The following SCAMP5 variants were observed in gnomAD, a reference collection of about 807,000 sequenced individuals.
The protein encoded by SCAMP5 is secretory carrier membrane protein 5.
A neutral mutation model predicts 28.3 loss-of-function variants in SCAMP5; 7 were observed. The ratio of observed to expected loss-of-function variants is 0.25; its 90% CI spans 0.14 to 0.46. The LOEUF (loss-of-function observed/expected upper bound fraction) is 0.46, where lower values mean the gene tolerates loss of function less well. Ranked by LOEUF, SCAMP5 falls within the 20% of genes least tolerant of loss-of-function variation. The pLI, the probability that SCAMP5 is intolerant of heterozygous loss-of-function variation, is 0.99. For missense variants in SCAMP5, 192 were observed against 312.5 expected (o/e 0.61, Z 2.91); for synonymous variants, 117 against 116.4 (o/e 1.00, Z -0.03).
intron 1 of SCAMP5, among the ~76,000 whole-genome samples, chr15:75,010,825 T>C (rs1328427356): frequency 6.6e-6 from 1 of 151,808 alleles, no homozygotes; most frequent in East Asian, 1.9e-4. Flanking sequence ...GAACTGTCCC[T>C]GTACGATGCT....
intron 1 of SCAMP5, among the ~76,000 whole-genome samples, chr15:75,005,198 C>G (rs984988911): frequency 6.6e-6 from 1 of 151,872 alleles, no homozygotes. Context: ...ATCCAAGATC[C>G]GGGCCTGTAA....
chr15:74,997,935 C>T (rs1234822496), intron 1 of SCAMP5, among the ~76,000 whole-genome samples: 1 of 152,130 alleles, frequency 6.6e-6, no homozygotes, highest in Admixed American at 6.5e-5. Flanking sequence ...GGGGAAACTT[C>T]CATCTTAGCA....
intron 1 of SCAMP5, chr15:75,007,770 T>C (rs2065774085): frequency 6.6e-6 from 1 of 152,232 alleles, no homozygotes; most frequent in African/African-American, 2.4e-5. Flanking sequence ...TTTCACCATA[T>C]TGGCCAGGAT....
At chr15:75,005,364 G>A (rs1017070899) in intron 1 of SCAMP5, among the ~76,000 whole-genome samples, 2 of 151,904 alleles carry the variant, frequency 1.3e-5, no homozygotes, top group African/African-American at 4.8e-5. Context: ...CCAGGCTGAG[G>A]CAGGAGAATC....
chr15:75,012,794 A>G lies in SCAMP5; in HGVS notation c.125A>G (p.Tyr42Cys), dbSNP rs774462641. 2.2e-5 allele frequency: 36 copies of G among 1,613,622 alleles called. No individual in the cohort carries two copies. Among genetic ancestry groups the G allele is most frequent in the Non-Finnish European group, 3.1e-5 (36 of 1,179,736 alleles). ...QHVSMTKRLYYLWMLNSVTLA... is the reference protein window; with the variant it reads ...QHVSMTKRLYCLWMLNSVTLA... Reference sequence around the variant, plus strand: ...GTCAGCATGACCAAGCGCCTCTACTACCTCTGGATGTGTGAGTGCCATGGG... The same window carrying G: ...GTCAGCATGACCAAGCGCCTCTACTGCCTCTGGATGTGTGAGTGCCATGGG... The change falls in exon 3 of 7, where the codon TAC becomes TGC. Residue 42 changes from tyrosine (Y) to cysteine (C), a missense_variant. Tyr to Cys is a radical substitution (Grantham distance 194, BLOSUM62 -2). Coordinates refer to ENST00000425597, the MANE Select transcript of SCAMP5 (RefSeq NM_138967.4).
intron 3 of SCAMP5, among the ~76,000 whole-genome samples, chr15:75,015,925 CAAAAAA>C (rs71308031): frequency 6.3e-5 from 4 of 63,074 alleles, no homozygotes; most frequent in Admixed American, 1.9e-4. Context: ...AATTCCATCT[CAAAAAA>C]AAAAAAAAAA....
At chr15:75,002,668 G>A (rs1305334115) in intron 1 of SCAMP5, among the ~76,000 whole-genome samples, 1 of 151,388 alleles carries the variant, frequency 6.6e-6, no homozygotes, top group Non-Finnish European at 1.5e-5. Context: ...GAGACTCCAC[G>A]CTCTCTGGGC....
At chr15:75,004,307 C>T (rs978795233) in intron 1 of SCAMP5, among the ~76,000 whole-genome samples, 3 of 152,024 alleles carry the variant, frequency 2.0e-5, no homozygotes, top group African/African-American at 7.3e-5. Flanking sequence ...GTAGCTGAGA[C>T]TACAGGCACA....
In SCAMP5 at chr15:75,012,672, C is replaced by G. The variant is rs561793235; in HGVS notation, c.8-5C>G. 1.2e-6 allele frequency: 2 copies of G among 1,613,938 alleles called. No individual in the cohort carries two copies. The highest frequency in any genetic ancestry group is 2.7e-5 in the African/African-American group (2 of 75,044). On this transcript the variant is annotated splice_polypyrimidine_tract_variant and splice_region_variant and intron_variant, in intron 2 of 6. Coordinates refer to ENST00000425597, the MANE Select transcript of SCAMP5 (RefSeq NM_138967.4). Reference sequence around the variant, plus strand: ...GTGATGTTGTGCAATGTGTCTCATCCACAGAGAAAGTGAACAACTTCCCAC... The same window carrying G: ...GTGATGTTGTGCAATGTGTCTCATCGACAGAGAAAGTGAACAACTTCCCAC...
intron 1 of SCAMP5, among the ~76,000 whole-genome samples, chr15:74,999,377 A>T (rs1358806723): frequency 6.6e-6 from 1 of 151,674 alleles, no homozygotes; most frequent in Non-Finnish European, 1.5e-5. Flanking sequence ...ACTTATAGAA[A>T]CCCCTCTCCT....
intron 1 of SCAMP5, among the ~76,000 whole-genome samples, chr15:75,001,269 C>CAAAA (rs34325708): frequency 1.6e-3 from 95 of 58,130 alleles, no homozygotes; most frequent in African/African-American, 5.2e-3. Flanking sequence ...AGCGAGACTC[C>CAAAA]AAAAAAAAAA....
chr15:75,000,509 C>T (rs1481335637), intron 1 of SCAMP5, among the ~76,000 whole-genome samples: 3 of 151,880 alleles, frequency 2.0e-5, no homozygotes, highest in Admixed American at 2.0e-4. Context: ...CTCAGCATCC[C>T]GAGTAGCTGG....
At chr15:75,000,391 A>AT (rs35154717) in intron 1 of SCAMP5, among the ~76,000 whole-genome samples, 45,496 of 147,996 alleles carry the variant, frequency 0.31, 7,733 homozygotes, top group South Asian at 0.58. Flanking sequence ...CTTTAAGGCC[A>AT]TTTTTTTTTT....
intron 1 of SCAMP5, among the ~76,000 whole-genome samples, chr15:74,999,086 C>G (rs919465728): frequency 6.6e-6 from 1 of 152,212 alleles, no homozygotes; most frequent in Non-Finnish European, 1.5e-5. Flanking sequence ...CTCTTTCAGT[C>G]ACCATTTTAA....
At position 75,018,861 on chromosome 15, in the gene SCAMP5, A is replaced by T; in HGVS notation, c.586A>T (p.Lys196Ter). 6.3e-7 allele frequency: 1 copy of T among 1,595,188 alleles called. No individual in the cohort carries two copies. Among genetic ancestry groups the T allele is most frequent in the Non-Finnish European group, 8.5e-7 (1 of 1,175,168 alleles). ...AQEEWTTGAWKNPHVQQAAQN... is the reference protein window; with the variant it reads ...AQEEWTTGAW Reference sequence around the variant, plus strand: ...GGAGGAGTGGACCACAGGGGCCTGGAAGAATCCACATGTGCAGCAGGCAGC... The same window carrying T: ...GGAGGAGTGGACCACAGGGGCCTGGTAGAATCCACATGTGCAGCAGGCAGC... The change falls in exon 7 of 7, where the codon AAG becomes TAG. Residue 196 changes from lysine (K) to a stop codon, truncating the protein, a stop_gained. Coordinates refer to ENST00000425597, the MANE Select transcript of SCAMP5 (RefSeq NM_138967.4). LOFTEE classifies it high-confidence loss of function. The surrounding 1 kb of genome is among the most constrained non-coding windows in gnomAD (Gnocchi z 5.6).
intron 1 of SCAMP5, among the ~76,000 whole-genome samples, chr15:75,004,070 A>T (rs1054396070): frequency 6.6e-6 from 1 of 150,732 alleles, no homozygotes; most frequent in African/African-American, 2.4e-5. Context: ...ATGCCCGGCT[A>T]ATTTTGTATT....
rs1393822801 is a variant in SCAMP5, at chr15:75,019,477, T to C, written c.*494T>C. On this transcript the variant is annotated 3_prime_UTR_variant, in exon 7 of 7. Transcript: ENST00000425597. The stretch of plus-strand genomic sequence containing the variant: ...CCTGGGAAGTAACAGTACTTAGCAC[T>C]CTTGGTGGTGGGTGGGAGGGTGGGT... The C allele has an allele frequency of 6.6e-6, 1 of 150,846 alleles. No individual in the cohort carries two copies. The highest frequency in any genetic ancestry group is 2.4e-5 in the African/African-American group (1 of 41,064). The allele number at this position is 150,846 out of a possible 1,614,324, so 9.3% of individuals were successfully genotyped here.
intron 1 of SCAMP5, among the ~76,000 whole-genome samples, chr15:74,999,782 CAGAG>C (rs997168105): frequency 2.6e-5 from 4 of 152,142 alleles, no homozygotes; most frequent in African/African-American, 7.2e-5. Flanking sequence ...AGCCTGCTGA[CAGAG>C]AGAGACGCTG....
At chr15:74,998,692 T>G (rs931959019) in intron 1 of SCAMP5, among the ~76,000 whole-genome samples, 13 of 141,722 alleles carry the variant, frequency 9.2e-5, no homozygotes, top group Admixed American at 8.4e-4. Flanking sequence ...TTTCAAAGGC[T>G]TCCCAGAAAC....
Sources: gnomAD v4.1 joint callset for allele counts (sites outside exome capture counted in the v4.1 genomes callset) on GRCh38, gnomAD v4.1.1 for gene constraint, Gnocchi (gnomAD v3.1) non-coding constraint, MANE v1.5 for transcripts, NCBI Gene and HGNC (gene_info 2026-07-23, HGNC 2026-07-21) for gene names.